The following HIVEP2 variants were observed in gnomAD, a reference collection of about 807,000 sequenced individuals.
HIVEP2 encodes HIVEP zinc finger 2.
A neutral mutation model predicts 180.7 loss-of-function variants in HIVEP2; 14 were observed. The ratio of observed to expected loss-of-function variants is 0.08; its 90% CI spans 0.05 to 0.12. HIVEP2 has a LOEUF of 0.12. Ranked by LOEUF, HIVEP2 falls within the 10% of genes least tolerant of loss-of-function variation. The pLI is 1.00. For synonymous variants in HIVEP2, 1,184 were observed against 1,136.4 expected, an observed-to-expected ratio of 1.04 and a Z score of -0.84; for missense variants, 2,579 against 3,008.5, an observed-to-expected ratio of 0.86 and a Z score of 3.34.
intron 1 of HIVEP2, among the ~76,000 whole-genome samples, chr6:142,895,972 T>C (rs948804280): frequency 6.6e-6 from 1 of 152,222 alleles, no homozygotes; most frequent in African/African-American, 2.4e-5. Flanking sequence ...TAATGGCCGA[T>C]GTTAGAGAAA....
intron 1 of HIVEP2, among the ~76,000 whole-genome samples, chr6:142,881,318 A>C (rs913797022): frequency 2.6e-5 from 4 of 152,214 alleles, no homozygotes; most frequent in African/African-American, 9.7e-5. Context: ...ATAAATCATC[A>C]TGTCAATAAT....
At chr6:142,763,825 T>C (rs555849171) in intron 7 of HIVEP2, among the ~76,000 whole-genome samples, 5 of 152,256 alleles carry the variant, frequency 3.3e-5, no homozygotes, top group Non-Finnish European at 5.9e-5. Context: ...GAGGCAATTC[T>C]ATTACATAGA....
At position 142,888,069 on chromosome 6, in the gene HIVEP2, T is replaced by TTACA. The variant is rs1554220630; in HGVS notation, c.-640-51023_-640-51022insTGTA. ...CATGACAATAAATCATTTTACATGT[T>TTACA]TTAACTATATTCAAAAAATGGGAAA... is the stretch of plus-strand genomic sequence containing the variant. On this transcript the variant is annotated intron_variant, in intron 1 of 9. Coordinates refer to ENST00000367603, the MANE Select transcript of HIVEP2 (RefSeq NM_006734.4). Among the ~76,000 whole-genome samples, 18 of 152,322 alleles carry TTACA rather than the reference T, an allele frequency of 1.2e-4. No individual in the cohort carries two copies. The East Asian group carries it at 3.3e-3, about 28-fold the overall frequency.
At chr6:142,842,563 A>C (rs1364048710) in intron 1 of HIVEP2, among the ~76,000 whole-genome samples, 1 of 152,216 alleles carries the variant, frequency 6.6e-6, no homozygotes, top group African/African-American at 2.4e-5. Flanking sequence ...CTATGTGTCA[A>C]GTTTGTCAAG....
intron 2 of HIVEP2, among the ~76,000 whole-genome samples, chr6:142,810,780 CA>C (rs1281361176): frequency 8.6e-6 from 1 of 116,220 alleles, no homozygotes; most frequent in Non-Finnish European, 1.9e-5. Flanking sequence ...AAAAAAAAAA[CA>C]AAAAAAGAAA....
chr6:142,775,016 A>T lies in HIVEP2; in HGVS notation c.-278T>A. On this transcript the variant is annotated 5_prime_UTR_variant, in exon 5 of 10. An upstream start codon of the reference 5' UTR is lost. Coordinates refer to ENST00000367603, the MANE Select transcript of HIVEP2 (RefSeq NM_006734.4). ...CAAATCTATAAAGATTTCTTATGGC[A>T]TTTGAAAATTTTCAACTAGGATGAA... The T allele has an allele frequency of 8.6e-7, 1 of 1,161,352 alleles. No individual in the cohort carries two copies. Among genetic ancestry groups the T allele is most frequent in the Non-Finnish European group, 1.1e-6 (1 of 941,514 alleles). 71.9% of individuals were successfully genotyped at this position (1,161,352 alleles called of 1,614,324 possible).
intron 1 of HIVEP2, among the ~76,000 whole-genome samples, chr6:142,855,459 T>C (rs879288262): frequency 1.3e-5 from 2 of 152,262 alleles, no homozygotes; most frequent in African/African-American, 2.4e-5. Flanking sequence ...GAGTACAGTG[T>C]GTTTTAAACT....
In HIVEP2 at chr6:142,770,866, C is replaced by A. The variant is rs765353665; in HGVS notation, c.3873G>T (p.Lys1291Asn). 1.8e-5 allele frequency: 29 copies of A among 1,614,086 alleles called. No homozygotes were observed. The highest frequency in any genetic ancestry group is 1.6e-4 in the Middle Eastern group (1 of 6,084). ...CYSGASGLHP[K>N]NLLPKFPSDQ... ...CTGATGGAAACTTTGGAAGAAGGTTCTTTGGGTGTAGCCCTGATGCTCCTG... is the reference window on the plus strand; with the variant it reads ...CTGATGGAAACTTTGGAAGAAGGTTATTTGGGTGTAGCCCTGATGCTCCTG... Residue 1291 changes from lysine to asparagine, a missense_variant, in exon 5 of 10, where the codon AAG becomes AAT. By Grantham distance (94) the Lys-to-Asn change is moderately conservative. This residue lies in a region of HIVEP2 where 523 missense variants were observed against 577.0 expected (regional missense o/e 0.91). Transcript: ENST00000367603. This position sits in a 1 kb window ranked among gnomAD's most constrained non-coding sequence, Gnocchi z 4.7.
Position 142,774,295 on chromosome 6 carries a change from A to G in HIVEP2, c.444T>C (p.Gly148=), listed in dbSNP as rs1398275601. 6 of 1,614,100 alleles carry G rather than the reference A, an allele frequency of 3.7e-6. No individual in the cohort carries two copies. The South Asian group carries it at 5.5e-5, about 15-fold the overall frequency. ...TTGAAATCTTTTTTCTAGGATAACCACCACTGTGGCCATGTATAGGAAAAG... is the reference window on the plus strand; with the variant it reads ...TTGAAATCTTTTTTCTAGGATAACCGCCACTGTGGCCATGTATAGGAAAAG... ...LFPFPIHGHS[G]GYPRKKISSL... Residue 148 remains glycine, a synonymous_variant, in exon 5 of 10, where the codon GGT becomes GGC. Transcript: ENST00000367603. The surrounding 1 kb of genome is among the most constrained non-coding windows in gnomAD (Gnocchi z 5.1).
At chr6:142,886,970 C>T (rs1402880681) in intron 1 of HIVEP2, among the ~76,000 whole-genome samples, 2 of 152,136 alleles carry the variant, frequency 1.3e-5, no homozygotes, top group Non-Finnish European at 2.9e-5. Flanking sequence ...AAAGCATTCA[C>T]GTTTCTCTCC....
chr6:142,927,576 C>T (rs1777848075), intron 1 of HIVEP2, among the ~76,000 whole-genome samples: 1 of 152,172 alleles, frequency 6.6e-6, no homozygotes, highest in South Asian at 2.1e-4. Context: ...CACTGCACTC[C>T]TTTTATTTAT....
rs1775480229 is a variant in HIVEP2, at chr6:142,769,937, T to G, written c.4802A>C (p.His1601Pro). 6.2e-6 allele frequency: 10 copies of G among 1,613,966 alleles called. No individual in the cohort carries two copies. Among genetic ancestry groups the G allele is most frequent in the Non-Finnish European group, 7.6e-6 (9 of 1,180,044 alleles). ...DGQLEEEGKG[H>P]KRPVGMLVRM... ...GACCAGCATGCCAACAGGCCGCTTG[T>G]GGCCCTTCCCTTCCTCTTCCAGCTG... The change falls in exon 5 of 10, where the codon CAC (histidine) becomes CCC (proline). Residue 1601 changes from histidine (H) to proline (P), a missense_variant. His to Pro is a moderately conservative substitution (Grantham distance 77, BLOSUM62 -2). Around this residue, in one of 11 missense-constraint regions of HIVEP2, gnomAD observed 349 missense variants for 367.2 expected, o/e 0.95. Transcript: ENST00000367603.
At chr6:142,833,915 A>C (rs1240908118) in intron 2 of HIVEP2, among the ~76,000 whole-genome samples, 1 of 152,184 alleles carries the variant, frequency 6.6e-6, no homozygotes, top group African/African-American at 2.4e-5. Flanking sequence ...TCAAAATACA[A>C]GGAACCAAAC....
intron 1 of HIVEP2, among the ~76,000 whole-genome samples, chr6:142,846,620 C>T (rs987364476): frequency 2.6e-5 from 4 of 152,184 alleles, no homozygotes; most frequent in Non-Finnish European, 5.9e-5. Context: ...ATTTTAGGTA[C>T]CAAGGACTTA....
At chr6:142,938,936 C>T (rs561360672) in intron 1 of HIVEP2, among the ~76,000 whole-genome samples, 1 of 152,138 alleles carries the variant, frequency 6.6e-6, no homozygotes, top group Non-Finnish European at 1.5e-5. Context: ...AAGCAGTATT[C>T]CAGTTAACCA....
intron 9 of HIVEP2, among the ~76,000 whole-genome samples, chr6:142,758,999 A>G (rs1775149509): frequency 6.6e-6 from 1 of 152,066 alleles, no homozygotes; most frequent in South Asian, 2.1e-4. Flanking sequence ...GGTAGAGTTT[A>G]TTAAAAAAAG....
At chr6:142,865,520 C>A (rs1411832971) in intron 1 of HIVEP2, among the ~76,000 whole-genome samples, 1 of 152,056 alleles carries the variant, frequency 6.6e-6, no homozygotes, top group Non-Finnish European at 1.5e-5. Flanking sequence ...ATAATTAATA[C>A]AGTAATACTT....
chr6:142,758,577 G>T (rs1469058501), intron 9 of HIVEP2, among the ~76,000 whole-genome samples: 1 of 152,322 alleles, frequency 6.6e-6, no homozygotes, highest in African/African-American at 2.4e-5. Context: ...AAGGCAGACA[G>T]ATTCCAAAGG....
At chr6:142,783,039 T>C (rs1236919190) in intron 3 of HIVEP2, among the ~76,000 whole-genome samples, 1 of 152,186 alleles carries the variant, frequency 6.6e-6, no homozygotes, top group African/African-American at 2.4e-5. Context: ...ATAACAATGA[T>C]AATTAATTAT....
Sources: gnomAD v4.1 joint callset for allele counts (sites outside exome capture counted in the v4.1 genomes callset) on GRCh38, gnomAD v4.1.1 for gene constraint, gnomAD v4.1.1 regional missense constraint, Gnocchi (gnomAD v3.1) non-coding constraint, MANE v1.5 for transcripts, NCBI Gene and HGNC (gene_info 2026-07-23, HGNC 2026-07-21) for gene names.